Variants in ATXN8OS observed in about 807,000 individuals in gnomAD.
ATXN8OS encodes the protein ATXN8 opposite strand lncRNA.
chr13:70,132,457 A>T (rs1192226868), intron 3 of ATXN8OS, among the ~76,000 whole-genome samples: 3 of 151,848 alleles, frequency 2.0e-5, no homozygotes, highest in African/African-American at 7.3e-5. Flanking sequence ...GACATTGGAG[A>T]CTACTAGATG....
chr13:70,147,350 C>G (rs1435688808), intron 3 of ATXN8OS, among the ~76,000 whole-genome samples: 1 of 151,868 alleles, frequency 6.6e-6, no homozygotes. Context: ...TCTTTTTTTT[C>G]CTAGTTCTAT....
intron 4 of ATXN8OS, among the ~76,000 whole-genome samples, chr13:70,168,583 CTG>C (rs1211505624): frequency 7.0e-6 from 1 of 142,210 alleles, no homozygotes; most frequent in Non-Finnish European, 1.5e-5. Flanking sequence ...CTCTCTATCT[CTG>C]TGACATCATT....
At chr13:70,120,061 G>A (rs1888335795) in intron 2 of ATXN8OS, among the ~76,000 whole-genome samples, 1 of 151,930 alleles carries the variant, frequency 6.6e-6, no homozygotes, top group South Asian at 2.1e-4. Flanking sequence ...GCATTAAAAA[G>A]GTAAATAATT....
chr13:70,150,217 T>A, intron 4 of ATXN8OS, among the ~76,000 whole-genome samples: 1 of 152,044 alleles, frequency 6.6e-6, no homozygotes, highest in East Asian at 1.9e-4. Flanking sequence ...AGTGAGGAAG[T>A]GACAGAGAAG....
chr13:70,131,759 T>C (rs1234105255), intron 3 of ATXN8OS, among the ~76,000 whole-genome samples: 1 of 152,178 alleles, frequency 6.6e-6, no homozygotes, highest in African/African-American at 2.4e-5. Flanking sequence ...TGTGTACAAC[T>C]GCATCCTTGT....
intron 4 of ATXN8OS, among the ~76,000 whole-genome samples, chr13:70,167,774 T>C (rs1464227693): frequency 6.9e-6 from 1 of 145,400 alleles, no homozygotes; most frequent in African/African-American, 2.6e-5. Context: ...CTCGCTCTGT[T>C]GCCCAGGCTG....
chr13:70,107,537 G>T, upstream of ATXN8OS: 1 of 1,609,970 alleles, frequency 6.2e-7, no homozygotes, highest in Non-Finnish European at 8.5e-7. Context: ...TTGAGCAGGC[G>T]ACTCTGGCTG....
At chr13:70,113,268 A>G (rs1888224331) in intron 1 of ATXN8OS, among the ~76,000 whole-genome samples, 1 of 152,016 alleles carries the variant, frequency 6.6e-6, no homozygotes, top group South Asian at 2.1e-4. Context: ...GAAAATATTT[A>G]TAGATTGAAA....
intron 3 of ATXN8OS, among the ~76,000 whole-genome samples, chr13:70,136,471 T>C (rs1463177524): frequency 4.6e-5 from 7 of 151,628 alleles, no homozygotes; most frequent in Non-Finnish European, 1.0e-4. Flanking sequence ...ATTTGTATAA[T>C]ATTAAGTATA....
chr13:70,170,336 T>G (rs1889130938), exon 5 of ATXN8OS, among the ~76,000 whole-genome samples: 1 of 152,200 alleles, frequency 6.6e-6, no homozygotes, highest in East Asian at 1.9e-4. Context: ...TTTATTCCTT[T>G]AATATCCAAT....
intron 2 of ATXN8OS, among the ~76,000 whole-genome samples, chr13:70,124,907 T>G (rs1341895981): frequency 6.7e-6 from 1 of 148,858 alleles, no homozygotes; most frequent in Non-Finnish European, 1.5e-5. Context: ...TCATTTAATG[T>G]TATTCTACAA....
intron 1 of ATXN8OS, among the ~76,000 whole-genome samples, chr13:70,109,472 C>G (rs1464653329): frequency 1.3e-5 from 2 of 152,158 alleles, no homozygotes; most frequent in African/African-American, 4.8e-5. Context: ...GCTCAGTTAC[C>G]CCCAAGGTTG....
At chr13:70,125,355 G>A (rs370013863) in intron 2 of ATXN8OS, among the ~76,000 whole-genome samples, 22 of 152,128 alleles carry the variant, frequency 1.4e-4, no homozygotes, top group Middle Eastern at 3.4e-3. Context: ...CAGAAGGTAC[G>A]TCATTTTAGA....
At chr13:70,131,210 T>C in intron 3 of ATXN8OS, 1 of 391,518 alleles carries the variant, frequency 2.6e-6, no homozygotes, top group Non-Finnish European at 4.5e-6. Flanking sequence ...TCACAATGTG[T>C]ACATGTATAC....
chr13:70,163,258 G>A (rs947765700), intron 4 of ATXN8OS, among the ~76,000 whole-genome samples: 2 of 152,060 alleles, frequency 1.3e-5, no homozygotes, highest in Non-Finnish European at 2.9e-5. Flanking sequence ...TGAGAAAATT[G>A]AGACAGAACA....
intron 1 of ATXN8OS, among the ~76,000 whole-genome samples, chr13:70,112,919 A>ATAT (rs3072593): frequency 0.016 from 1,915 of 122,932 alleles, 74 homozygotes; most frequent in African/African-American, 0.058. Context: ...TTATATATAT[A>ATAT]ATTTTTTTTT....
chr13:70,146,697 A>G (rs1888790782), intron 3 of ATXN8OS, among the ~76,000 whole-genome samples: 1 of 143,540 alleles, frequency 7.0e-6, no homozygotes, highest in African/African-American at 2.5e-5. Flanking sequence ...TCTCACTCAT[A>G]GGTGGGAATT....
intron 4 of ATXN8OS, among the ~76,000 whole-genome samples, chr13:70,160,578 C>G (rs375443443): frequency 6.6e-6 from 1 of 150,634 alleles, no homozygotes; most frequent in African/African-American, 2.4e-5. Context: ...TATGGAAATG[C>G]AGTTTTACAC....
intron 3 of ATXN8OS, among the ~76,000 whole-genome samples, chr13:70,132,858 A>AC (rs1888553544): frequency 7.2e-6 from 1 of 138,972 alleles, no homozygotes; most frequent in African/African-American, 3.0e-5. Flanking sequence ...ACTAAAGTCT[A>AC]TTTTTTTTTT....
Sources: allele counts gnomAD v4.1 joint callset (sites outside exome capture counted in the v4.1 genomes callset), GRCh38; gene constraint gnomAD v4.1.1; transcripts MANE v1.5; gene names NCBI Gene and HGNC (gene_info 2026-07-23, HGNC 2026-07-21).